Variants in BRINP3 observed in about 807,000 individuals in gnomAD.
The protein encoded by BRINP3 is BMP/retinoic acid-inducible neural-specific protein 3.
Under a neutral mutation model 71.0 loss-of-function variants are expected in BRINP3, and 19 were observed. The ratio of observed to expected loss-of-function variants is 0.27; its 90% CI spans 0.19 to 0.39. The LOEUF is 0.39. BRINP3 is among the 10% of genes least tolerant of loss of function. The probability of loss-of-function intolerance (pLI) is 1.00; values close to 1 mark genes in which losing one functional copy is unlikely to be tolerated. For synonymous variants in BRINP3, 380 were observed against 337.7 expected, an observed-to-expected ratio of 1.13 and a Z score of -1.37; for missense variants, 959 against 940.8, an observed-to-expected ratio of 1.02 and a Z score of -0.25.
rs553484840 is a variant in BRINP3 at position 190,468,777 on chromosome 1, A to C, written c.-51+8671T>G. ...TGAATCCATAAAGTGTCTCCACTCA[A>C]AAGTGAGTTAGTTGCATAAAACAAT... On this transcript the variant is annotated intron_variant, in intron 1 of 7. Transcript: ENST00000367462. Among the ~76,000 whole-genome samples, 4 of 151,248 alleles carry C rather than the reference A, an allele frequency of 2.6e-5. No homozygotes were observed. The East Asian group carries it at 7.7e-4, about 29-fold the overall frequency.
chr1:190,170,791 A>G (rs186573229), intron 6 of BRINP3, among the ~76,000 whole-genome samples: 32 of 152,310 alleles, frequency 2.1e-4, no homozygotes, highest in Middle Eastern at 3.4e-3. Context: ...ACCTGTGATC[A>G]TTAGTTATAA....
rs117282909 is a variant in BRINP3 at position 190,449,878 on chromosome 1, G to A, written c.236+4777C>T. Among the ~76,000 whole-genome samples, 158 of 152,212 alleles carry A rather than the reference G, an allele frequency of 1.0e-3. 1 individual carries two copies. Among genetic ancestry groups the A allele is most frequent in the East Asian group, 9.6e-3 (50 of 5,182 alleles). On this transcript the variant is annotated intron_variant, in intron 2 of 7. Coordinates refer to ENST00000367462, the MANE Select transcript of BRINP3 (RefSeq NM_199051.3). ...CCCTGTTGGTAATTTAATTCTGAAAGTCCTTGTTCCTTGTCATAGATATGT... is the reference window on the plus strand; with the variant it reads ...CCCTGTTGGTAATTTAATTCTGAAAATCCTTGTTCCTTGTCATAGATATGT...
intron 5 of BRINP3, among the ~76,000 whole-genome samples, chr1:190,233,554 T>G (rs1223116393): frequency 6.6e-6 from 1 of 152,176 alleles, no homozygotes; most frequent in Non-Finnish European, 1.5e-5. Context: ...AGCATTTTTA[T>G]GTAAAACTGA....
At chr1:190,475,192 C>T (rs1046712029) in intron 1 of BRINP3, among the ~76,000 whole-genome samples, 4 of 152,086 alleles carry the variant, frequency 2.6e-5, no homozygotes, top group African/African-American at 9.7e-5. Flanking sequence ...AGTTCTAAAC[C>T]CTACTTCGCA....
rs183760449 is a variant in BRINP3 at position 190,327,691 on chromosome 1, G to A, written c.237-45941C>T. ...TTACAAAGACTTACACAGCTACACA[G>A]TAATAGTGGGGGACTTCAATACTCC... On this transcript the variant is annotated intron_variant, in intron 2 of 7. Transcript: ENST00000367462. 2.6e-5 allele frequency among the ~76,000 whole-genome samples: 4 copies of A among 152,186 alleles called. No homozygotes were observed. In the East Asian group the frequency reaches 7.7e-4, roughly 29 times the overall value.
intron 3 of BRINP3, among the ~76,000 whole-genome samples, chr1:190,281,215 C>G (rs540232374): frequency 1.1e-3 from 167 of 152,042 alleles, no homozygotes; most frequent in African/African-American, 3.1e-3. Flanking sequence ...CTTTCCTTCT[C>G]TCTATAACTA....
At chr1:190,358,557 G>A (rs1668901727) in intron 2 of BRINP3, among the ~76,000 whole-genome samples, 1 of 152,176 alleles carries the variant, frequency 6.6e-6, no homozygotes, top group Non-Finnish European at 1.5e-5. Flanking sequence ...CTTTTACACT[G>A]TTGGTGGGAC....
intron 7 of BRINP3, among the ~76,000 whole-genome samples, chr1:190,129,475 C>T (rs185504919): frequency 3.3e-5 from 5 of 151,918 alleles, no homozygotes; most frequent in Admixed American, 1.3e-4. Context: ...ACTTGTAATT[C>T]ATGCAGTAGA....
intron 3 of BRINP3, among the ~76,000 whole-genome samples, chr1:190,277,615 C>T (rs956326622): frequency 2.6e-5 from 4 of 151,538 alleles, no homozygotes; most frequent in African/African-American, 9.7e-5. Context: ...TTAAAGCCCA[C>T]CAATTTTAAA....
chr1:190,427,081 C>T (rs974687251), intron 2 of BRINP3, among the ~76,000 whole-genome samples: 7 of 151,800 alleles, frequency 4.6e-5, no homozygotes, highest in Non-Finnish European at 1.0e-4. Context: ...CCTTTGACAT[C>T]AAAGACTTTG....
At chr1:190,428,961 T>G (rs1019727464) in intron 2 of BRINP3, among the ~76,000 whole-genome samples, 1 of 152,134 alleles carries the variant, frequency 6.6e-6, no homozygotes, top group Admixed American at 6.5e-5. Flanking sequence ...ATCACAAAAA[T>G]ATGTTCAAAA....
intron 3 of BRINP3, among the ~76,000 whole-genome samples, chr1:190,279,256 T>C (rs1382276670): frequency 6.6e-6 from 1 of 151,806 alleles, no homozygotes; most frequent in Admixed American, 6.6e-5. Context: ...AGAATCAATC[T>C]TCACAATTAT....
At chr1:190,415,011 G>C (rs1006682453) in intron 2 of BRINP3, among the ~76,000 whole-genome samples, 1 of 152,124 alleles carries the variant, frequency 6.6e-6, no homozygotes, top group African/African-American at 2.4e-5. Context: ...ACTATTTTAA[G>C]TGCTTAGTTA....
At chr1:190,385,408 A>C (rs1192992327) in intron 2 of BRINP3, among the ~76,000 whole-genome samples, 3 of 151,994 alleles carry the variant, frequency 2.0e-5, no homozygotes, top group East Asian at 1.9e-4. Flanking sequence ...ACCCCATCAA[A>C]AAGTGGGCAA....
intron 1 of BRINP3, among the ~76,000 whole-genome samples, chr1:190,464,177 A>C (rs1230812204): frequency 1.3e-5 from 2 of 151,812 alleles, no homozygotes; most frequent in East Asian, 1.9e-4. Context: ...AGTTAGTGAT[A>C]ATCCTTAAAG....
intron 2 of BRINP3, among the ~76,000 whole-genome samples, chr1:190,377,449 A>G (rs1670253596): frequency 6.6e-6 from 1 of 151,898 alleles, no homozygotes; most frequent in South Asian, 2.1e-4. Flanking sequence ...TCTATCCACC[A>G]TAATATTGGA....
rs1655800560 is a variant in BRINP3, at chr1:190,145,409, T to C, written c.1184+15259A>G. 2.6e-5 allele frequency among the ~76,000 whole-genome samples: 4 copies of C among 152,334 alleles called. No individual in the cohort carries two copies. The South Asian group carries it at 6.2e-4, about 24-fold the overall frequency. On this transcript the variant is annotated intron_variant, in intron 7 of 7. Coordinates refer to ENST00000367462, the MANE Select transcript of BRINP3 (RefSeq NM_199051.3). Reference sequence around the variant, plus strand: ...TCTTTATTTTGAGTCTAGAATTCACTGTGTTCTCATAGCACTATGCAGTGT... The same window carrying C: ...TCTTTATTTTGAGTCTAGAATTCACCGTGTTCTCATAGCACTATGCAGTGT...
intron 6 of BRINP3, among the ~76,000 whole-genome samples, chr1:190,197,944 C>A (rs1017848301): frequency 6.6e-6 from 1 of 152,138 alleles, no homozygotes. Flanking sequence ...ATGGCTCCAT[C>A]CCTGCAGCAT....
At chr1:190,133,999 T>A (rs1639450171) in intron 7 of BRINP3, among the ~76,000 whole-genome samples, 1 of 152,126 alleles carries the variant, frequency 6.6e-6, no homozygotes. Context: ...CTACATTTCT[T>A]GTGTTGGGGG....
Sources: allele counts gnomAD v4.1 joint callset (sites outside exome capture counted in the v4.1 genomes callset), GRCh38; gene constraint gnomAD v4.1.1; transcripts MANE v1.5; gene names NCBI Gene and HGNC (gene_info 2026-07-23, HGNC 2026-07-21).